Variants in MUC6 observed in about 807,000 individuals in gnomAD.
MUC6 encodes the protein mucin 6, oligomeric mucus/gel-forming (gene/pseudogene).
In MUC6, 188 loss-of-function variants were observed where a neutral mutation model predicts 201.5. The ratio of observed to expected loss-of-function variants is 0.93; its 90% CI spans 0.83 to 1.05. The LOEUF (loss-of-function observed/expected upper bound fraction) is 1.05, where lower values mean the gene tolerates loss of function less well. Ranked by LOEUF, MUC6 falls within the 50% of genes least tolerant of loss-of-function variation. The pLI is 0.00. For synonymous variants in MUC6, 1,228 were observed against 1,389.4 expected, an observed-to-expected ratio of 0.88 and a Z score of 2.58; for missense variants, 2,706 against 3,256.9, an observed-to-expected ratio of 0.83 and a Z score of 4.12.
intron 28 of MUC6, 74 bp downstream of exon 28, chr11:1,020,610 G>A (rs1250753912): frequency 3.8e-6 from 6 of 1,593,296 alleles, no homozygotes; most frequent in Non-Finnish European, 5.2e-6. Flanking sequence ...CCACCCGACA[G>A]ATTTGTCCAG....
intron 31 of MUC6, 126 bp from the exon 32 acceptor site, chr11:1,014,127 C>G: frequency 1.3e-6 from 1 of 748,842 alleles, no homozygotes; most frequent in Non-Finnish European, 2.2e-6. Flanking sequence ...GTGGTCTCCC[C>G]TTGTGGAGCC....
rs965965737 is a variant in MUC6, at chr11:1,033,744, C to T, written c.53-669G>A. Among the ~76,000 whole-genome samples, 1 of 152,068 alleles carries T rather than the reference C, an allele frequency of 6.6e-6. No homozygotes were observed. The highest frequency in any genetic ancestry group is 2.4e-5 in the African/African-American group (1 of 41,398). On this transcript the variant is annotated intron_variant, in intron 1 of 32. Transcript: ENST00000421673. The surrounding 1 kb of genome is among the most constrained non-coding windows in gnomAD (Gnocchi z 5.6). Reference sequence around the variant, plus strand: ...GGCCAACACCCCCCACGTCCCACCCCCTGTACCCAGAGGGAGACTTTTCCC... The same window carrying T: ...GGCCAACACCCCCCACGTCCCACCCTCTGTACCCAGAGGGAGACTTTTCCC...
chr11:1,020,190 G>T lies in MUC6; in HGVS notation c.3708C>A (p.Thr1236=), dbSNP rs771265255. The stretch of plus-strand genomic sequence containing the variant: ...TGTGATTAGAGCTGGGTGAGGGTCC[G>T]GTGGAGCTGAGAAGCCCGATGGTGG... ...TSTTIGLLSS[T]GPSPSSNHTP... The change falls in exon 29 of 33, where the codon ACC becomes ACA. Residue 1236 remains threonine (T), a synonymous_variant. Transcript: ENST00000421673. 1 of 1,612,140 alleles carries T rather than the reference G, an allele frequency of 6.2e-7. No homozygotes were observed. Among genetic ancestry groups the T allele is most frequent in the African/African-American group, 1.3e-5 (1 of 74,856 alleles).
chr11:1,019,103 G>A (rs933455239), intron 30 of MUC6, among the ~76,000 whole-genome samples, 172 bp downstream of exon 30: 4 of 152,356 alleles, frequency 2.6e-5, no homozygotes, highest in Non-Finnish European at 2.9e-5. Flanking sequence ...CTGCCTTTGT[G>A]AGTGCCAGGC....
At chr11:1,026,595 C>G in intron 19 of MUC6, 117 bp from the exon 20 acceptor site, 1 of 1,250,688 alleles carries the variant, frequency 8.0e-7, no homozygotes, top group Non-Finnish European at 1.1e-6. Flanking sequence ...TGAATACAGC[C>G]CTGCTCTGTG....
Position 1,018,637 on chromosome 11 carries a change from G to T in MUC6, c.4164C>A (p.Thr1388=). The part of the protein sequence containing the change: ...GQPTRPTATE[T]TQTRTTTEYT... ...ATTCAGTAGTCGTTCTTGTTTGAGT[G>T]GTCTCTGTGGCTGTGGGCCTCGTGG... is the stretch of plus-strand genomic sequence containing the variant. Residue 1388 remains threonine, a synonymous_variant, in exon 31 of 33, where the codon ACC becomes ACA. Coordinates refer to ENST00000421673, the MANE Select transcript of MUC6 (RefSeq NM_005961.3). 2 of 1,613,428 alleles carry T rather than the reference G, an allele frequency of 1.2e-6. No individual in the cohort carries two copies. The highest frequency in any genetic ancestry group is 1.7e-6 in the Non-Finnish European group (2 of 1,179,690).
In MUC6 at chr11:1,016,220, G is replaced by A. The variant is rs759995955; in HGVS notation, c.6581C>T (p.Ala2194Val). 133 of 1,613,118 alleles carry A rather than the reference G, an allele frequency of 8.2e-5. 4 individuals are homozygous for A. In the South Asian group the frequency reaches 1.5e-3, roughly 18 times the overall value. ...TGGAGAAGAAGGAAAAAGAGGAGAT[G>A]CAGACACTGATGCAGTCGTGGGATG... is the stretch of plus-strand genomic sequence containing the variant. Reference protein sequence around the residue: ...STHPTTASVSASPLFPSSPAA... With the variant: ...STHPTTASVSVSPLFPSSPAA... The change falls in exon 31 of 33, where the codon GCA (alanine) becomes GTA (valine). Residue 2194 changes from alanine to valine, a missense_variant. Physicochemically the swap from Ala to Val is moderately conservative, Grantham distance 64. Around this residue, in one of 10 missense-constraint regions of MUC6, gnomAD observed 586 missense variants for 488.0 expected, o/e 1.20. Coordinates refer to ENST00000421673, the MANE Select transcript of MUC6 (RefSeq NM_005961.3).
intron 4 of MUC6, 33 bp downstream of exon 4, chr11:1,031,574 T>C (rs1236993297): frequency 6.5e-7 from 1 of 1,539,300 alleles, no homozygotes. Flanking sequence ...GTGCTGCGGG[T>C]CTCCAGGCCC....
At chr11:1,032,852 A>ATG (rs1268315316) in intron 2 of MUC6, among the ~76,000 whole-genome samples, 161 bp downstream of exon 2, 4 of 134,450 alleles carry the variant, frequency 3.0e-5, no homozygotes, top group African/African-American at 1.1e-4. Context: ...TATATTGGGT[A>ATG]TGTGTGTGTG....
chr11:1,019,542 A>G, intron 29 of MUC6, 46 bp from the exon 30 acceptor site: 1 of 1,545,248 alleles, frequency 6.5e-7, no homozygotes. Flanking sequence ...GTGGGCCTGC[A>G]TTTCGAAGGC....
intron 19 of MUC6, 129 bp from the exon 20 acceptor site, chr11:1,026,607 C>G (rs1856966286): frequency 1.7e-6 from 2 of 1,184,150 alleles, no homozygotes; most frequent in Non-Finnish European, 2.3e-6. Flanking sequence ...TGCTCTGTGG[C>G]CTTTGTGGGC....
At chr11:1,028,600 C>T (rs763343705) in intron 13 of MUC6, 46 bp downstream of exon 13, 1 of 1,591,944 alleles carries the variant, frequency 6.3e-7, no homozygotes, top group Non-Finnish European at 8.5e-7. Flanking sequence ...TGGCCAGACC[C>T]TGTAGGGATG....
intron 1 of MUC6, among the ~76,000 whole-genome samples, chr11:1,036,286 C>A (rs1857214756): frequency 6.6e-6 from 1 of 152,192 alleles, no homozygotes; most frequent in African/African-American, 2.4e-5. Context: ...GCACACCTGC[C>A]CACTGTTCCC....
rs1265261633 is a variant in MUC6 at position 1,024,070 on chromosome 11, G to A, written c.3259C>T (p.Arg1087Cys). Residue 1087 changes from arginine (R) to cysteine (C), a missense_variant, in exon 25 of 33, where the codon CGC (arginine) becomes TGC (cysteine). Arg to Cys is a radical substitution (Grantham distance 180, BLOSUM62 -3). Coordinates refer to ENST00000421673, the MANE Select transcript of MUC6 (RefSeq NM_005961.3). ...YHLPYYEACV[R>C]DACGCDSGGD... ...CCACTGTCACACCCACATGCGTCGC[G>A]CACGCAGGCCTCGTAGTAGGGCAGG... The A allele has an allele frequency of 8.1e-6, 13 of 1,612,884 alleles. No homozygotes were observed. The highest frequency in any genetic ancestry group is 1.7e-5 in the Admixed American group (1 of 59,982).
Position 1,027,761 on chromosome 11 carries a change from G to A in MUC6, c.1905C>T (p.Ala635=). ...AGCAGGCGTGTACGTAGTCGCCCAG[G>A]GCGGCACAGATGTGGGGAAAGGTCT... ...YEETFPHICA[A]LGDYVHACSL... is the part of the protein sequence containing the mutation. The change falls in exon 16 of 33, where the codon GCC becomes GCT. Residue 635 remains alanine (A), a synonymous_variant. Coordinates refer to ENST00000421673, the MANE Select transcript of MUC6 (RefSeq NM_005961.3). 1 of 1,610,700 alleles carries A rather than the reference G, an allele frequency of 6.2e-7. No individual in the cohort carries two copies. Among genetic ancestry groups the A allele is most frequent in the South Asian group, 1.1e-5 (1 of 90,522 alleles).
chr11:1,025,141 C>T (rs1856923049), intron 23 of MUC6, 41 bp downstream of exon 23: 3 of 1,610,438 alleles, frequency 1.9e-6, no homozygotes, highest in African/African-American at 2.7e-5. Context: ...TCCACCCCTG[C>T]ATCAGGGAGG....
At chr11:1,019,253 A>G in intron 30 of MUC6, 22 bp downstream of exon 30, 2 of 1,611,414 alleles carry the variant, frequency 1.2e-6, no homozygotes, top group African/African-American at 1.3e-5. Flanking sequence ...CAGTGCTGGC[A>G]TCCCATGGCG....
chr11:1,019,960 T>A, intron 29 of MUC6, 130 bp downstream of exon 29: 2 of 1,247,460 alleles, frequency 1.6e-6, no homozygotes, highest in Non-Finnish European at 2.3e-6. Context: ...GCATAGGAAG[T>A]TCTACGCTGG....
chr11:1,019,933 C>T, intron 29 of MUC6, 157 bp downstream of exon 29: 1 of 1,036,844 alleles, frequency 9.6e-7, no homozygotes, highest in South Asian at 1.4e-5. Context: ...CCGAAAAATC[C>T]CCAGTTTGGC....
Sources: allele counts gnomAD v4.1 joint callset (sites outside exome capture counted in the v4.1 genomes callset), GRCh38; gene constraint gnomAD v4.1.1; regional missense constraint gnomAD v4.1.1; non-coding constraint Gnocchi (gnomAD v3.1); transcripts MANE v1.5; gene names NCBI Gene and HGNC (gene_info 2026-07-23, HGNC 2026-07-21).